The following SLC2A13 variants were observed in gnomAD, a reference collection of about 807,000 sequenced individuals.
The protein encoded by SLC2A13 is solute carrier family 2 member 13.
SLC2A13 carries 32 observed loss-of-function variants against 64.4 expected under a neutral mutation model. The ratio of observed to expected loss-of-function variants is 0.50; its 90% CI spans 0.37 to 0.67. SLC2A13 has a LOEUF of 0.67. Ranked by LOEUF, SLC2A13 falls within the 30% of genes least tolerant of loss-of-function variation. SLC2A13 has a pLI of 0.00. For missense variants in SLC2A13, 743 were observed against 829.2 expected (o/e 0.90, Z 1.28); for synonymous variants, 338 against 327.1 (o/e 1.03, Z -0.36).
intron 3 of SLC2A13, among the ~76,000 whole-genome samples, chr12:39,996,856 C>G (rs1250150326): frequency 5.9e-5 from 9 of 152,124 alleles, no homozygotes; most frequent in Non-Finnish European, 2.9e-5. Context: ...ACATGGAAAA[C>G]TATAAAACAC....
At position 39,774,365 on chromosome 12, in the gene SLC2A13, C is replaced by CTTA. The variant is rs1940694831; in HGVS notation, c.1446-9508_1446-9507insTAA. Among the ~76,000 whole-genome samples, 4 of 152,210 alleles carry CTTA rather than the reference C, an allele frequency of 2.6e-5. No individual in the cohort carries two copies. In the South Asian group the frequency reaches 8.3e-4, roughly 32 times the overall value. On this transcript the variant is annotated intron_variant, in intron 7 of 9. Coordinates refer to ENST00000280871, the MANE Select transcript of SLC2A13 (RefSeq NM_052885.4). ...GAAAAGTTACTGTTACAAACTTGGC[C>CTTA]CATTACTTCTCAGATACTTTTAATT...
At chr12:39,943,105 T>G (rs1946067282) in intron 4 of SLC2A13, among the ~76,000 whole-genome samples, 2 of 152,238 alleles carry the variant, frequency 1.3e-5, no homozygotes, top group Admixed American at 6.5e-5. Context: ...CAAAGACTGC[T>G]GCCTGTTCCT....
chr12:39,894,485 G>A (rs1361128982), intron 4 of SLC2A13, among the ~76,000 whole-genome samples: 1 of 151,560 alleles, frequency 6.6e-6, no homozygotes, highest in African/African-American at 2.4e-5. Context: ...AACAAACAGG[G>A]ATAAAATTAG....
intron 3 of SLC2A13, among the ~76,000 whole-genome samples, chr12:39,989,190 C>T (rs28370636): frequency 0.13 from 19,842 of 152,136 alleles, 1,998 homozygotes; most frequent in East Asian, 0.6. Context: ...ACTCTCCATG[C>T]CAATTCTGCT....
intron 4 of SLC2A13, among the ~76,000 whole-genome samples, chr12:39,928,690 T>C (rs1272007153): frequency 6.6e-6 from 1 of 152,122 alleles, no homozygotes. Context: ...AAAATGACTA[T>C]AAAGTAATTA....
chr12:39,840,421 C>T (rs959814966), intron 6 of SLC2A13, among the ~76,000 whole-genome samples: 14 of 152,046 alleles, frequency 9.2e-5, no homozygotes, highest in African/African-American at 3.1e-4. Context: ...TTCCCATTGC[C>T]TATAGGATGA....
intron 7 of SLC2A13, among the ~76,000 whole-genome samples, chr12:39,794,381 T>C (rs893243319): frequency 2.0e-5 from 3 of 152,212 alleles, no homozygotes; most frequent in Non-Finnish European, 2.9e-5. Context: ...TAAATTGGTA[T>C]TGTTAAATTA....
intron 3 of SLC2A13, among the ~76,000 whole-genome samples, chr12:40,015,417 T>C (rs1181542738): frequency 6.6e-6 from 1 of 152,216 alleles, no homozygotes. Context: ...AATAATTAGG[T>C]CTCTGGCCAG....
In SLC2A13 at chr12:39,755,324, A is replaced by G. The variant is rs1939946857; in HGVS notation, c.*4702T>C. On this transcript the variant is annotated 3_prime_UTR_variant, in exon 10 of 10. Transcript: ENST00000280871. ...TTTGCCAAGACATCTGAAGTATTAA[A>G]TACTATATAACATGCACTCAGAAAT... 6.6e-6 allele frequency: 1 copy of G among 152,116 alleles called. No homozygotes were observed. Among genetic ancestry groups the G allele is most frequent in the African/African-American group, 2.4e-5 (1 of 41,440 alleles). The allele number at this position is 152,116 out of a possible 1,614,324, so 9.4% of individuals were successfully genotyped here. A position where few individuals can be genotyped will look rare whatever the true frequency, so the allele number is the denominator to read the frequency against.
rs1036020025 is a variant in SLC2A13 at position 39,760,406 on chromosome 12, A to C, written c.1721-154T>G. Among the ~76,000 whole-genome samples, 7 of 151,944 alleles carry C rather than the reference A, an allele frequency of 4.6e-5. 1 individual carries two copies. The highest frequency in any genetic ancestry group is 8.8e-5 in the Non-Finnish European group (6 of 67,956). ...AATTACTATGAACCTGGTTTACTCCAATTGTTCCAACTCTGAGAATATGAT... is the reference window on the plus strand; with the variant it reads ...AATTACTATGAACCTGGTTTACTCCCATTGTTCCAACTCTGAGAATATGAT... On this transcript the variant is annotated intron_variant, in intron 9 of 9. Coordinates refer to ENST00000280871, the MANE Select transcript of SLC2A13 (RefSeq NM_052885.4).
intron 2 of SLC2A13, among the ~76,000 whole-genome samples, chr12:40,040,893 A>G (rs1948075439): frequency 6.6e-6 from 1 of 152,194 alleles, no homozygotes; most frequent in Non-Finnish European, 1.5e-5. Flanking sequence ...TTGTTTAGAA[A>G]TAACATCCCC....
At chr12:40,053,594 C>T (rs1293823542) in intron 1 of SLC2A13, among the ~76,000 whole-genome samples, 1 of 152,114 alleles carries the variant, frequency 6.6e-6, no homozygotes, top group Non-Finnish European at 1.5e-5. Context: ...CTTCTCTCTT[C>T]CCTGCCACTA....
At chr12:40,054,734 C>T (rs529885536) in intron 1 of SLC2A13, among the ~76,000 whole-genome samples, 30 of 152,308 alleles carry the variant, frequency 2.0e-4, no homozygotes, top group South Asian at 1.7e-3. Context: ...CTTTCAAAAA[C>T]GGCTGGAAGC....
At position 40,105,579 on chromosome 12, in the gene SLC2A13, G is replaced by A. The variant is rs773356809; in HGVS notation, c.230C>T (p.Thr77Ile). Residue 77 changes from threonine to isoleucine, a missense_variant, in exon 1 of 10, where the codon ACC becomes ATC. Physicochemically the swap from Thr to Ile is moderately conservative, Grantham distance 89. Around this residue, in one of 2 missense-constraint regions of SLC2A13, gnomAD observed 448 missense variants for 447.4 expected, o/e 1.00. Transcript: ENST00000280871. The surrounding 1 kb of genome is among the most constrained non-coding windows in gnomAD (Gnocchi z 4.2). ...AARRQFQQDETPAFVYVVAVF... is the reference protein window; with the variant it reads ...AARRQFQQDEIPAFVYVVAVF... ...GGCCACCACGTACACGAAGGCGGGG[G>A]TCTCGTCCTGCTGGAACTGCCGCCG... 1.3e-6 allele frequency: 2 copies of A among 1,560,268 alleles called. No homozygotes were observed. Among genetic ancestry groups the A allele is most frequent in the South Asian group, 2.4e-5 (2 of 84,786 alleles).
At chr12:39,856,050 A>C (rs898787281) in intron 6 of SLC2A13, among the ~76,000 whole-genome samples, 12 of 152,208 alleles carry the variant, frequency 7.9e-5, no homozygotes, top group Non-Finnish European at 1.5e-4. Flanking sequence ...CATGAGTAGA[A>C]GTAAACTTTG....
intron 1 of SLC2A13, among the ~76,000 whole-genome samples, chr12:40,048,562 T>C (rs1486435154): frequency 6.6e-6 from 1 of 152,186 alleles, no homozygotes; most frequent in East Asian, 1.9e-4. Flanking sequence ...GAAATATTTT[T>C]AGTCTATATG....
intron 4 of SLC2A13, among the ~76,000 whole-genome samples, chr12:39,905,524 A>G (rs533459335): frequency 6.6e-6 from 1 of 152,304 alleles, no homozygotes; most frequent in South Asian, 2.1e-4. Context: ...ATTTACAAAT[A>G]TGGTCTAAGA....
At chr12:39,831,132 A>G (rs1942840403) in intron 6 of SLC2A13, among the ~76,000 whole-genome samples, 1 of 152,200 alleles carries the variant, frequency 6.6e-6, no homozygotes, top group African/African-American at 2.4e-5. Flanking sequence ...CTAAAGATGA[A>G]TAAGCCCAAA....
At position 40,088,892 on chromosome 12, in the gene SLC2A13, G is replaced by A. The variant is rs536730100; in HGVS notation, c.556+16361C>T. Among the ~76,000 whole-genome samples, 16 of 152,260 alleles carry A rather than the reference G, an allele frequency of 1.1e-4. No homozygotes were observed. In the East Asian group the frequency reaches 2.9e-3, roughly 28 times the overall value. On this transcript the variant is annotated intron_variant, in intron 1 of 9. Transcript: ENST00000280871. ...AATGTTTATCCTAGCATGGTAAAAT[G>A]TGTGGTATGAAGGCAGCACCCACTG...
Sources: gnomAD v4.1 joint callset for allele counts (sites outside exome capture counted in the v4.1 genomes callset) on GRCh38, gnomAD v4.1.1 for gene constraint, gnomAD v4.1.1 regional missense constraint, Gnocchi (gnomAD v3.1) non-coding constraint, MANE v1.5 for transcripts, NCBI Gene and HGNC (gene_info 2026-07-23, HGNC 2026-07-21) for gene names.